Variants in MSR1 observed in about 807,000 individuals in gnomAD.
The protein encoded by MSR1 is macrophage scavenger receptor types I and II.
In MSR1, 53 loss-of-function variants were observed where a neutral mutation model predicts 47.2. That is an observed-to-expected ratio of 1.12 (90% confidence interval 0.90 to 1.41). The LOEUF is 1.41. Ranked by LOEUF, MSR1 falls within the 40% of genes most tolerant of loss-of-function variation. The pLI, the probability that MSR1 is intolerant of heterozygous loss-of-function variation, is 0.00. For synonymous variants in MSR1, 239 were observed against 185.6 expected (o/e 1.29, Z -2.34); for missense variants, 786 against 546.9 (o/e 1.44, Z -4.36).
At chr8:16,123,105 A>G (rs140002139) in intron 8 of MSR1, among the ~76,000 whole-genome samples, 2,768 of 152,196 alleles carry the variant, frequency 0.018, 81 homozygotes, top group African/African-American at 0.063. Context: ...TCGGCCTGCC[A>G]AAGTGCTGGG....
intron 8 of MSR1, among the ~76,000 whole-genome samples, chr8:16,126,119 A>G (rs1800122428): frequency 6.6e-6 from 1 of 152,174 alleles, no homozygotes; most frequent in African/African-American, 2.4e-5. Context: ...TCACAGAGCC[A>G]TACCTGAACC....
rs1202583259 is a variant in MSR1, at chr8:16,140,134, G to A, written c.1033+3424C>T. The A allele has an allele frequency of 1.6e-5, 16 of 984,630 alleles. 1 individual carries two copies. Among genetic ancestry groups the A allele is most frequent in the Middle Eastern group, 5.2e-4 (1 of 1,914 alleles). 61.0% of individuals were successfully genotyped at this position (984,630 alleles called of 1,614,324 possible). On this transcript the variant is annotated intron_variant, in intron 8 of 9. Coordinates refer to ENST00000262101, the MANE Select transcript of MSR1 (RefSeq NM_138715.3). ...TTCTATGACATCCCTATCTCTGGTT[G>A]AGAATAATGTTTGAATATAAAGAAC...
intron 4 of MSR1, among the ~76,000 whole-genome samples, chr8:16,165,643 T>C (rs1488358846): frequency 6.6e-6 from 1 of 152,104 alleles, no homozygotes; most frequent in Non-Finnish European, 1.5e-5. Context: ...AATAAGCCAG[T>C]GGTATGTTTT....
chr8:16,119,733 G>A lies in MSR1; in HGVS notation c.1222+685C>T, dbSNP rs1036746681. Among the ~76,000 whole-genome samples the A allele has an allele frequency of 2.6e-5, 4 of 151,252 alleles. No individual in the cohort carries two copies. In the East Asian group the frequency reaches 7.9e-4, roughly 30 times the overall value. Reference sequence around the variant, plus strand: ...TGTAAAAATTTGTTTTTCAGAGACAGGTCTTGCTCTGTCACCCAGGCTGGA... The same window carrying A: ...TGTAAAAATTTGTTTTTCAGAGACAAGTCTTGCTCTGTCACCCAGGCTGGA... On this transcript the variant is annotated intron_variant, in intron 9 of 9. Coordinates refer to ENST00000262101, the MANE Select transcript of MSR1 (RefSeq NM_138715.3).
At chr8:16,120,255 T>C (rs567505764) in intron 9 of MSR1, among the ~76,000 whole-genome samples, 163 bp downstream of exon 9, 1 of 151,758 alleles carries the variant, frequency 6.6e-6, no homozygotes, top group South Asian at 2.1e-4. Context: ...CGCGCGGCTG[T>C]AGTCCCAGCT....
intron 1 of MSR1, among the ~76,000 whole-genome samples, chr8:16,190,448 A>C (rs1802165507): frequency 6.6e-6 from 1 of 152,152 alleles, no homozygotes; most frequent in Non-Finnish European, 1.5e-5. Flanking sequence ...TAAGAGTTAA[A>C]TAATACCTAA....
At chr8:16,178,073 T>C in intron 1 of MSR1, 81 bp from the exon 2 acceptor site, 2 of 1,130,044 alleles carry the variant, frequency 1.8e-6, no homozygotes, top group Non-Finnish European at 2.6e-6. Flanking sequence ...AACTGAAATT[T>C]CAGTTTGAAA....
At chr8:16,164,043 G>C (rs771948360) in intron 5 of MSR1, 22 bp downstream of exon 5, 3 of 1,569,148 alleles carry the variant, frequency 1.9e-6, no homozygotes, top group Non-Finnish European at 2.6e-6. Context: ...TCATTTTCTG[G>C]AGAAATGACA....
intron 1 of MSR1, among the ~76,000 whole-genome samples, chr8:16,184,114 A>C (rs1042804276): frequency 1.3e-5 from 2 of 151,746 alleles, no homozygotes; most frequent in East Asian, 1.9e-4. Context: ...TTAATTTTTC[A>C]TAAAGACAAC....
At chr8:16,142,297 C>T (rs1320980721) in intron 8 of MSR1, among the ~76,000 whole-genome samples, 1 of 152,126 alleles carries the variant, frequency 6.6e-6, no homozygotes, top group African/African-American at 2.4e-5. Context: ...TGCCACTGCA[C>T]TCCATCCTGG....
At chr8:16,190,723 C>CTTT (rs772816603) in intron 1 of MSR1, among the ~76,000 whole-genome samples, 5 of 145,356 alleles carry the variant, frequency 3.4e-5, no homozygotes, top group African/African-American at 1.3e-4. Context: ...TTTTTTCTTT[C>CTTT]TTTCTTTTTG....
intron 8 of MSR1, 112 bp downstream of exon 8, chr8:16,143,446 C>G (rs1433051502): frequency 4.8e-6 from 4 of 833,414 alleles, no homozygotes; most frequent in East Asian, 5.1e-5. Flanking sequence ...TCCATAGAGT[C>G]TGTATGGATC....
At chr8:16,141,206 G>A (rs555502397) in intron 8 of MSR1, 2 of 732,966 alleles carry the variant, frequency 2.7e-6, no homozygotes, top group Non-Finnish European at 4.5e-6. Flanking sequence ...GAATAAATTG[G>A]TACAAGCTTT....
At chr8:16,174,976 C>G (rs1248867318) in intron 3 of MSR1, among the ~76,000 whole-genome samples, 1 of 151,954 alleles carries the variant, frequency 6.6e-6, no homozygotes, top group African/African-American at 2.4e-5. Flanking sequence ...TTTTTCCATT[C>G]TATTTTGTTT....
intron 1 of MSR1, among the ~76,000 whole-genome samples, chr8:16,186,851 G>A (rs1802015088): frequency 2.0e-5 from 3 of 151,866 alleles, no homozygotes; most frequent in African/African-American, 7.3e-5. Context: ...TTAGCCTCAA[G>A]CAATCTACCC....
rs370618013 is a variant in MSR1 at position 16,119,320 on chromosome 8, G to A, written c.1222+1098C>T. On this transcript the variant is annotated intron_variant, in intron 9 of 9. Coordinates refer to ENST00000262101, the MANE Select transcript of MSR1 (RefSeq NM_138715.3). Reference sequence around the variant, plus strand: ...GGCTCACTGCAACCTCCACCTCCTGGGTCCAAGTAATTGTCCTGCCTCAGC... The same window carrying A: ...GGCTCACTGCAACCTCCACCTCCTGAGTCCAAGTAATTGTCCTGCCTCAGC... 4.6e-5 allele frequency among the ~76,000 whole-genome samples: 7 copies of A among 151,620 alleles called. No individual in the cohort carries two copies. The East Asian group carries it at 9.9e-4, about 21-fold the overall frequency.
intron 5 of MSR1, 110 bp from the exon 6 acceptor site, chr8:16,155,254 C>T (rs1219898384): frequency 5.2e-6 from 4 of 767,348 alleles, no homozygotes; most frequent in Non-Finnish European, 8.9e-6. Context: ...ATTTGTTGTG[C>T]AATAATATAG....
At chr8:16,123,604 G>GTGTGTGTC (rs398067617) in intron 8 of MSR1, among the ~76,000 whole-genome samples, 27 of 144,428 alleles carry the variant, frequency 1.9e-4, no homozygotes, top group African/African-American at 5.8e-4. Context: ...GTGTGTGTGT[G>GTGTGTGTC]TCTGGATAGC....
At chr8:16,135,586 GC>G (rs1214987617) in intron 8 of MSR1, among the ~76,000 whole-genome samples, 3 of 152,154 alleles carry the variant, frequency 2.0e-5, no homozygotes, top group African/African-American at 7.2e-5. Flanking sequence ...CCATTGTGTA[GC>G]CCATGGATCC....
Sources: allele counts gnomAD v4.1 joint callset (sites outside exome capture counted in the v4.1 genomes callset), GRCh38; gene constraint gnomAD v4.1.1; transcripts MANE v1.5; gene names NCBI Gene and HGNC (gene_info 2026-07-23, HGNC 2026-07-21).